TSHR: variants seen among roughly 807,000 people sequenced by gnomAD.
TSHR encodes the protein thyrotropin receptor.
TSHR carries 51 observed loss-of-function variants against 64.1 expected under a neutral mutation model. That is an observed-to-expected ratio of 0.80 (90% CI 0.64 to 1.01). The LOEUF (loss-of-function observed/expected upper bound fraction) is 1.01, where lower values mean the gene tolerates loss of function less well. Among genes scored for constraint, TSHR ranks in the 50% least tolerant of loss-of-function variants. The pLI is 0.00. For synonymous variants in TSHR, 361 were observed against 361.9 expected (o/e 1.00, Z 0.03); for missense variants, 877 against 942.8 (o/e 0.93, Z 0.91).
intron 1 of TSHR, among the ~76,000 whole-genome samples, chr14:81,005,053 A>G (rs1048245297): frequency 2.0e-5 from 3 of 152,228 alleles, no homozygotes; most frequent in Non-Finnish European, 2.9e-5. Context: ...AGCAGAGCCT[A>G]GAGTTTGAAA....
chr14:81,116,300 G>A (rs1890506258), intron 8 of TSHR, among the ~76,000 whole-genome samples: 5 of 128,970 alleles, frequency 3.9e-5, no homozygotes, highest in Admixed American at 2.5e-4. Context: ...CATGTGCAGA[G>A]ACACACATAG....
At chr14:81,133,111 T>C (rs76117879) in intron 8 of TSHR, among the ~76,000 whole-genome samples, 4,153 of 152,340 alleles carry the variant, frequency 0.027, 179 homozygotes, top group African/African-American at 0.095. Context: ...TCCAAGCTCT[T>C]GCACAGTTCT....
chr14:81,071,645 C>T (rs1887077490), intron 3 of TSHR, among the ~76,000 whole-genome samples: 2 of 152,094 alleles, frequency 1.3e-5, no homozygotes, highest in South Asian at 4.1e-4. Flanking sequence ...CCAGTGGTCC[C>T]AGCTACATGG....
chr14:80,976,025 C>T (rs1322288334), intron 1 of TSHR, among the ~76,000 whole-genome samples: 1 of 152,016 alleles, frequency 6.6e-6, no homozygotes, highest in African/African-American at 2.4e-5. Flanking sequence ...CATTCTCCTG[C>T]CTCAGCCTCC....
At chr14:81,017,280 A>G (rs1436180777) in intron 1 of TSHR, among the ~76,000 whole-genome samples, 4 of 152,160 alleles carry the variant, frequency 2.6e-5, no homozygotes, top group Admixed American at 2.6e-4. Flanking sequence ...AAAAATTTCA[A>G]CTAATTCTGA....
intron 3 of TSHR, among the ~76,000 whole-genome samples, chr14:81,082,517 T>A (rs892283788): frequency 2.0e-5 from 3 of 152,180 alleles, no homozygotes; most frequent in African/African-American, 7.2e-5. Context: ...TTGAGTCTGC[T>A]AAGTCCGAGT....
Position 80,983,259 on chromosome 14 carries a change from C to G in TSHR, c.170+27409C>G, listed in dbSNP as rs941281499. The G allele has an allele frequency of 7.2e-6, 9 of 1,244,742 alleles. No homozygotes were observed. The African/African-American group carries it at 1.4e-4, about 19-fold the overall frequency. 77.1% of individuals were successfully genotyped at this position (1,244,742 alleles called of 1,614,324 possible). A position where few individuals can be genotyped will look rare whatever the true frequency, so the allele number is the denominator to read the frequency against. ...GTCATTTCCTTTGAACTCACCTGGA[C>G]AGCAATCTGGATCAAAGATACTAGG... On this transcript the variant is annotated intron_variant, in intron 1 of 9. Transcript: ENST00000298171.
At chr14:81,091,821 C>T (rs924164706) in intron 5 of TSHR, among the ~76,000 whole-genome samples, 1 of 152,244 alleles carries the variant, frequency 6.6e-6, no homozygotes, top group Non-Finnish European at 1.5e-5. Flanking sequence ...CTGCCTGTGA[C>T]CTTTGATTGG....
At chr14:81,134,942 G>A (rs1296895431) in intron 8 of TSHR, among the ~76,000 whole-genome samples, 3 of 152,174 alleles carry the variant, frequency 2.0e-5, no homozygotes, top group Non-Finnish European at 2.9e-5. Flanking sequence ...GAGAAGGTCT[G>A]AGAAGCTTCC....
chr14:80,965,653 G>GA (rs1887261102), intron 1 of TSHR, among the ~76,000 whole-genome samples: 1 of 152,112 alleles, frequency 6.6e-6, no homozygotes, highest in African/African-American at 2.4e-5. Flanking sequence ...AAAATTTTAA[G>GA]AATGAGCAAA....
chr14:81,085,164 G>A (rs758678826), intron 3 of TSHR, among the ~76,000 whole-genome samples: 39 of 151,938 alleles, frequency 2.6e-4, no homozygotes, highest in Non-Finnish European at 4.9e-4. Context: ...GTTTCACCAC[G>A]TTGCCCAGGC....
chr14:81,017,069 C>T (rs114194912), intron 1 of TSHR, among the ~76,000 whole-genome samples: 319 of 152,262 alleles, frequency 2.1e-3, no homozygotes, highest in African/African-American at 6.9e-3. Flanking sequence ...GATATTAACA[C>T]ATTTATGCCT....
intron 6 of TSHR, among the ~76,000 whole-genome samples, chr14:81,094,678 A>ATTTTTTT (rs1889012799): frequency 1.3e-5 from 1 of 78,522 alleles, no homozygotes; most frequent in Non-Finnish European, 2.2e-5. Context: ...TTATTTTTTT[A>ATTTTTTT]ATTTTTTTTT....
chr14:81,087,804 C>G, intron 3 of TSHR, 150 bp from the exon 4 acceptor site: 2 of 707,168 alleles, frequency 2.8e-6, no homozygotes, highest in Admixed American at 4.0e-5. Context: ...ATTGATGGGA[C>G]CCCTGGCAGC....
chr14:81,011,859 A>AAAAC (rs1889923872), intron 1 of TSHR, among the ~76,000 whole-genome samples: 1 of 151,606 alleles, frequency 6.6e-6, no homozygotes, highest in Non-Finnish European at 1.5e-5. Flanking sequence ...ACTCTGTCTC[A>AAAAC]AAATAAATAA....
intron 1 of TSHR, chr14:80,982,585 C>T (rs1465201758): frequency 1.7e-5 from 17 of 983,536 alleles, no homozygotes; most frequent in Non-Finnish European, 1.9e-5. Flanking sequence ...AGTTAGATCT[C>T]AGCCTGTGGA....
intron 2 of TSHR, among the ~76,000 whole-genome samples, chr14:81,064,337 T>C (rs1431208925): frequency 6.6e-6 from 1 of 152,162 alleles, no homozygotes; most frequent in Non-Finnish European, 1.5e-5. Context: ...ATCTGTGTGG[T>C]TGATCGGCAC....
At chr14:80,968,138 A>C (rs888166739) in intron 1 of TSHR, among the ~76,000 whole-genome samples, 6 of 152,160 alleles carry the variant, frequency 3.9e-5, no homozygotes, top group African/African-American at 1.4e-4. Context: ...TGTGTGGTAC[A>C]GGGCTGAGAT....
chr14:80,991,641 T>C, intron 1 of TSHR: 1 of 398,560 alleles, frequency 2.5e-6, no homozygotes, highest in Admixed American at 4.4e-5. Context: ...AAAGAGTTGA[T>C]GGCTAAGCTG....
Sources: gnomAD v4.1 joint callset for allele counts (sites outside exome capture counted in the v4.1 genomes callset) on GRCh38, gnomAD v4.1.1 for gene constraint, MANE v1.5 for transcripts, NCBI Gene and HGNC (gene_info 2026-07-23, HGNC 2026-07-21) for gene names.